AGBL4: variants seen among roughly 807,000 people sequenced by gnomAD.
AGBL4 encodes AGBL carboxypeptidase 4, also known as cytosolic carboxypeptidase 6.
A neutral mutation model predicts 66.4 loss-of-function variants in AGBL4; 58 were observed. The ratio of observed to expected loss-of-function variants is 0.87; its 90% CI spans 0.71 to 1.09. The LOEUF is 1.09. Among genes scored for constraint, AGBL4 ranks in the 50% least tolerant of loss-of-function variants. The probability of loss-of-function intolerance (pLI) is 0.00; values close to 1 mark genes in which losing one functional copy is unlikely to be tolerated. For synonymous variants in AGBL4, 234 were observed against 222.9 expected (o/e 1.05, Z -0.44); for missense variants, 579 against 631.0 (o/e 0.92, Z 0.88).
intron 6 of AGBL4, among the ~76,000 whole-genome samples, chr1:48,696,093 TTC>T (rs1242296320): frequency 6.6e-6 from 1 of 152,162 alleles, no homozygotes; most frequent in Non-Finnish European, 1.5e-5. Flanking sequence ...AGGGTGCTTC[TTC>T]TGTCCCAGGA....
At chr1:49,190,491 G>A (rs942218573) in intron 4 of AGBL4, among the ~76,000 whole-genome samples, 5 of 152,116 alleles carry the variant, frequency 3.3e-5, no homozygotes, top group Admixed American at 6.6e-5. Flanking sequence ...AGAGTAAAGG[G>A]TGGACTGTGT....
chr1:48,599,045 G>A (rs1215631949), intron 9 of AGBL4, among the ~76,000 whole-genome samples: 3 of 151,426 alleles, frequency 2.0e-5, no homozygotes, highest in Non-Finnish European at 4.4e-5. Flanking sequence ...ACAAACATGA[G>A]CCGAGAGCTA....
chr1:48,535,553 C>T (rs1643955903), intron 12 of AGBL4, among the ~76,000 whole-genome samples: 1 of 152,134 alleles, frequency 6.6e-6, no homozygotes, highest in African/African-American at 2.4e-5. Context: ...AATGAACTTT[C>T]TGTCTTATCT....
At chr1:49,027,317 C>T (rs955417792) in intron 5 of AGBL4, among the ~76,000 whole-genome samples, 2 of 151,966 alleles carry the variant, frequency 1.3e-5, no homozygotes, top group South Asian at 2.1e-4. Context: ...TGTGCCATGA[C>T]ACACAGCTAA....
intron 6 of AGBL4, among the ~76,000 whole-genome samples, chr1:48,731,413 C>A (rs980486239): frequency 6.6e-6 from 1 of 152,152 alleles, no homozygotes; most frequent in African/African-American, 2.4e-5. Context: ...CATTCACGTA[C>A]AAGGCAAGCA....
intron 4 of AGBL4, among the ~76,000 whole-genome samples, chr1:49,106,681 A>G (rs1168183099): frequency 6.6e-6 from 1 of 152,166 alleles, no homozygotes; most frequent in Non-Finnish European, 1.5e-5. Flanking sequence ...AGTCATATTC[A>G]TGTTAATATC....
intron 5 of AGBL4, among the ~76,000 whole-genome samples, chr1:48,930,731 T>C (rs984311128): frequency 7.9e-5 from 12 of 152,296 alleles, no homozygotes; most frequent in African/African-American, 2.9e-4. Context: ...TCATAAATAT[T>C]TTGTCACTAC....
chr1:49,119,702 T>C (rs1047919053), intron 4 of AGBL4, among the ~76,000 whole-genome samples: 1 of 152,236 alleles, frequency 6.6e-6, no homozygotes, highest in Non-Finnish European at 1.5e-5. Flanking sequence ...GTTCTGTACA[T>C]ATCTATTAGG....
At chr1:49,510,723 T>G (rs1295737028) in intron 3 of AGBL4, among the ~76,000 whole-genome samples, 1 of 151,730 alleles carries the variant, frequency 6.6e-6, no homozygotes, top group Non-Finnish European at 1.5e-5. Context: ...TTAGGTCTAA[T>G]GTTTAAGTCT....
chr1:49,136,806 T>C (rs569159898), intron 4 of AGBL4, among the ~76,000 whole-genome samples: 7 of 152,270 alleles, frequency 4.6e-5, no homozygotes, highest in East Asian at 3.9e-4. Context: ...ATGGTTTATG[T>C]TGAAAAATAC....
At chr1:48,668,543 C>T (rs558669322) in intron 6 of AGBL4, among the ~76,000 whole-genome samples, 1 of 152,256 alleles carries the variant, frequency 6.6e-6, no homozygotes, top group Middle Eastern at 3.4e-3. Flanking sequence ...ACATGTTCTC[C>T]CACACCTCCA....
intron 4 of AGBL4, among the ~76,000 whole-genome samples, chr1:49,211,991 A>G (rs1648706166): frequency 1.3e-5 from 2 of 152,080 alleles, no homozygotes; most frequent in African/African-American, 4.8e-5. Flanking sequence ...AATCATCACA[A>G]AAACCCTGCA....
intron 2 of AGBL4, among the ~76,000 whole-genome samples, chr1:49,753,603 G>C (rs1369968591): frequency 1.3e-5 from 2 of 152,118 alleles, no homozygotes; most frequent in African/African-American, 2.4e-5. Context: ...CCCAGAATTT[G>C]AATGTTGGCC....
At chr1:49,492,834 C>G (rs1647226406) in intron 3 of AGBL4, among the ~76,000 whole-genome samples, 1 of 151,926 alleles carries the variant, frequency 6.6e-6, no homozygotes, top group Non-Finnish European at 1.5e-5. Context: ...CTGTATTAGT[C>G]TGTTCTCATG....
At chr1:48,896,163 C>T (rs1229287279) in intron 5 of AGBL4, among the ~76,000 whole-genome samples, 1 of 152,068 alleles carries the variant, frequency 6.6e-6, no homozygotes, top group Non-Finnish European at 1.5e-5. Flanking sequence ...TTTTCCAGGC[C>T]CCTAGGTACT....
At chr1:48,562,530 T>G (rs1644411942) in intron 11 of AGBL4, among the ~76,000 whole-genome samples, 1 of 152,184 alleles carries the variant, frequency 6.6e-6, no homozygotes, top group Non-Finnish European at 1.5e-5. Context: ...CCCCACAGAG[T>G]TCTGTTCATA....
chr1:48,766,789 C>T (rs111684938), intron 6 of AGBL4, among the ~76,000 whole-genome samples: 6 of 152,186 alleles, frequency 3.9e-5, no homozygotes, highest in Non-Finnish European at 8.8e-5. Flanking sequence ...GACCCATGTT[C>T]CCAGAGTGAG....
At chr1:49,022,811 G>T (rs1302235081) in intron 5 of AGBL4, among the ~76,000 whole-genome samples, 1 of 152,104 alleles carries the variant, frequency 6.6e-6, no homozygotes, top group Admixed American at 6.5e-5. Context: ...ATATGTTGTG[G>T]AATACCTACT....
rs114371014 is a variant in AGBL4, at chr1:48,763,052, C to G, written c.635-99811G>C. On this transcript the variant is annotated intron_variant, in intron 6 of 13. Transcript: ENST00000371839. Reference sequence around the variant, plus strand: ...ATATAATTGGTATTATCAATGTGTTCTGAATCATTTTCTTCTCTTAAGCAT... The same window carrying G: ...ATATAATTGGTATTATCAATGTGTTGTGAATCATTTTCTTCTCTTAAGCAT... 2.5e-3 allele frequency among the ~76,000 whole-genome samples: 382 copies of G among 152,144 alleles called. 3 individuals are homozygous for G. Among genetic ancestry groups the G allele is most frequent in the African/African-American group, 9.0e-3 (373 of 41,476 alleles).
Sources: gnomAD v4.1 joint callset for allele counts (sites outside exome capture counted in the v4.1 genomes callset) on GRCh38, gnomAD v4.1.1 for gene constraint, MANE v1.5 for transcripts, NCBI Gene and HGNC (gene_info 2026-07-23, HGNC 2026-07-21) for gene names.